The following HJV variants were observed in gnomAD, a reference collection of about 807,000 sequenced individuals.
HJV encodes hemojuvelin.
HJV carries 18 observed loss-of-function variants against 22.7 expected under a neutral mutation model. That is an observed-to-expected ratio of 0.79 (90% CI 0.55 to 1.18). The LOEUF is 1.18. HJV is among the 50% of genes most tolerant of loss of function. HJV has a pLI of 0.00. For synonymous variants in HJV, 229 were observed against 222.7 expected, an observed-to-expected ratio of 1.03 and a Z score of -0.25; for missense variants, 572 against 553.0, an observed-to-expected ratio of 1.03 and a Z score of -0.34.
At chr1:146,020,853 A>G (rs1652692252) in intron 1 of HJV, among the ~76,000 whole-genome samples, 1 of 152,124 alleles carries the variant, frequency 6.6e-6, no homozygotes, top group African/African-American at 2.4e-5. Context: ...AAGGAAACCA[A>G]TCTCTTTTCA....
chr1:146,018,282 T>C lies in HJV; in HGVS notation c.1076A>G (p.His359Arg), dbSNP rs1277203297. The C allele has an allele frequency of 5.0e-6, 8 of 1,614,054 alleles. No homozygotes were observed. The highest frequency in any genetic ancestry group is 1.3e-5 in the African/African-American group (1 of 74,918). The change falls in exon 4 of 4, where the codon CAT becomes CGT. Residue 359 changes from histidine (H) to arginine (R), a missense_variant. Transcript: ENST00000336751. ...AATTAAAACATCAAAGACACAGGAA[T>C]GGAAGTAAGCATCTTCCACTGGAAG... ...EGLPVEDAYFHSCVFDVLISG... is the reference protein window; with the variant it reads ...EGLPVEDAYFRSCVFDVLISG...
rs1553769468 is a variant in HJV, at chr1:146,018,442, T to TGGCCAC, written c.910_915dup (p.Val304_Ala305dup). The TGGCCAC allele has an allele frequency of 6.2e-7, 1 of 1,614,174 alleles. No homozygotes were observed. Among genetic ancestry groups the TGGCCAC allele is most frequent in the Non-Finnish European group, 8.5e-7 (1 of 1,180,030 alleles). Reference sequence around the variant, plus strand: ...AGGTCCTGTTCAGCTGAGAAGGCCATGGCCACATCCTCTGCTACCTTGATG... The same window carrying TGGCCAC: ...AGGTCCTGTTCAGCTGAGAAGGCCATGGCCACGGCCACATCCTCTGCTACCTTGATG... On this transcript the variant is annotated inframe_insertion, in exon 4 of 4. Transcript: ENST00000336751.
In HJV at chr1:146,018,710, CAA is replaced by C. The variant is rs1652508985; in HGVS notation, c.658-12_658-11del. ...TAAATATGATGGTGAGCTGTGAGGA[CAA>C]GAGGGAAAACAGTTCATTTTGGGTT... On this transcript the variant is annotated splice_polypyrimidine_tract_variant and intron_variant, in intron 3 of 3. Transcript: ENST00000336751. 1.2e-6 allele frequency: 2 copies of C among 1,614,000 alleles called. No homozygotes were observed. Among genetic ancestry groups the C allele is most frequent in the Non-Finnish European group, 8.5e-7 (1 of 1,179,988 alleles).
intron 3 of HJV, 36 bp downstream of exon 3, chr1:146,019,139 C>T (rs782533396): frequency 6.5e-7 from 1 of 1,533,340 alleles, no homozygotes; most frequent in African/African-American, 1.4e-5. Context: ...GGAAGAATCT[C>T]ATGAGGTGGA....
intron 1 of HJV, among the ~76,000 whole-genome samples, chr1:146,021,168 C>A (rs1652710621): frequency 6.6e-6 from 1 of 152,080 alleles, no homozygotes; most frequent in African/African-American, 2.4e-5. Flanking sequence ...GGGGAGAAAT[C>A]ATTTACAGGG....
At position 146,019,659 on chromosome 1, in the gene HJV, G is replaced by A. The variant is rs782608610; in HGVS notation, c.173C>T (p.Ser58Leu). ...SSTLSLRGGGSSGALRGGGGG... is the reference protein window; with the variant it reads ...SSTLSLRGGGLSGALRGGGGG... ...TCCTCCTCCTCGAAGTGCTCCTGAT[G>A]AACCCCCACCTCTAAGGCTCAGAGT... The change falls in exon 3 of 4, where the codon TCA becomes TTA. Residue 58 changes from serine (S) to leucine (L), a missense_variant. Coordinates refer to ENST00000336751, the MANE Select transcript of HJV (RefSeq NM_213653.4). 7.5e-6 allele frequency: 12 copies of A among 1,610,502 alleles called. No homozygotes were observed. The South Asian group carries it at 1.1e-4, about 15-fold the overall frequency.
At position 146,017,843 on chromosome 1, in the gene HJV, G is replaced by C. The variant is rs1652424982; in HGVS notation, c.*234C>G. 5.3e-6 allele frequency: 3 copies of C among 563,698 alleles called. No homozygotes were observed. Among genetic ancestry groups the C allele is most frequent in the Non-Finnish European group, 6.5e-6 (2 of 308,218 alleles). The allele number at this position is 563,698 out of a possible 1,614,324, so 34.9% of individuals were successfully genotyped here. A position where few individuals can be genotyped will look rare whatever the true frequency, so the allele number is the denominator to read the frequency against. On this transcript the variant is annotated 3_prime_UTR_variant, in exon 4 of 4. Coordinates refer to ENST00000336751, the MANE Select transcript of HJV (RefSeq NM_213653.4). ...TTAGAACAATTTGTTTACTATAAAT[G>C]AGGCTGGAAAAATTGGTGAAGAGCC...
chr1:146,019,140 A>G, intron 3 of HJV, 35 bp downstream of exon 3: 2 of 1,534,610 alleles, frequency 1.3e-6, no homozygotes, highest in Non-Finnish European at 1.8e-6. Flanking sequence ...GAAGAATCTC[A>G]TGAGGTGGAT....
In HJV at chr1:146,019,258, G is replaced by A; in HGVS notation, c.574C>T (p.Pro192Ser). The A allele has an allele frequency of 6.2e-7, 1 of 1,614,042 alleles. No homozygotes were observed. The highest frequency in any genetic ancestry group is 8.5e-7 in the Non-Finnish European group (1 of 1,180,038). ...AAGAGGAAGTCATTATCCAGTAGAGGCCAAGCTCCTTGGACACGGCATGTG... is the reference window on the plus strand; with the variant it reads ...AAGAGGAAGTCATTATCCAGTAGAGACCAAGCTCCTTGGACACGGCATGTG... ...FHTCRVQGAW[P>S]LLDNDFLFVQ... The change falls in exon 3 of 4, where the codon CCT becomes TCT. Residue 192 changes from proline to serine, a missense_variant. Pro to Ser is a moderately conservative substitution (Grantham distance 74, BLOSUM62 -1). Coordinates refer to ENST00000336751, the MANE Select transcript of HJV (RefSeq NM_213653.4).
chr1:146,018,257 A>T lies in HJV; in HGVS notation c.1101T>A (p.Ile367=). The change falls in exon 4 of 4, where the codon ATT becomes ATA. Residue 367 remains isoleucine (I), a synonymous_variant. Coordinates refer to ENST00000336751, the MANE Select transcript of HJV (RefSeq NM_213653.4). ...CCACGGTAAAGTTGGGATCACCAGA[A>T]ATTAAAACATCAAAGACACAGGAAT... is the stretch of plus-strand genomic sequence containing the variant. ...YFHSCVFDVL[I]SGDPNFTVAA... 1.2e-6 allele frequency: 2 copies of T among 1,614,160 alleles called. No individual in the cohort carries two copies. Among genetic ancestry groups the T allele is most frequent in the Non-Finnish European group, 1.7e-6 (2 of 1,180,026 alleles).
At chr1:146,021,332 C>G (rs1211287624) in intron 1 of HJV, among the ~76,000 whole-genome samples, 1 of 152,132 alleles carries the variant, frequency 6.6e-6, no homozygotes, top group Non-Finnish European at 1.5e-5. Context: ...AAAACTTCAT[C>G]AGGAGTCTTG....
In HJV at chr1:146,019,594, A is replaced by G. The variant is rs28940586; in HGVS notation, c.238T>C (p.Cys80Arg). The stretch of plus-strand genomic sequence containing the variant: ...AGCGCATAGGAGCGGAGGGCTCGAC[A>G]GAGGCCGCCAGAGCCCACCCCTCCA... ...RGGGVGSGGLCRALRSYALCT... is the reference protein window; with the variant it reads ...RGGGVGSGGLRRALRSYALCT... The change falls in exon 3 of 4, where the codon TGT becomes CGT. Residue 80 changes from cysteine (C) to arginine (R), a missense_variant. By Grantham distance (180) the Cys-to-Arg change is radical (BLOSUM62 -3). Transcript: ENST00000336751. The G allele has an allele frequency of 3.6e-5, 58 of 1,613,538 alleles. No homozygotes were observed. The highest frequency in any genetic ancestry group is 4.6e-5 in the Non-Finnish European group (54 of 1,180,014).
rs747020380 is a variant in HJV, at chr1:146,017,705, T to C, written c.*372A>G. ...TTGAGTTTCTTATGGCTAATGATCA[T>C]GTCTTCTGCTTTCAGCTCTTGCCTC... On this transcript the variant is annotated 3_prime_UTR_variant, in exon 4 of 4. Transcript: ENST00000336751. The C allele has an allele frequency of 7.7e-5, 20 of 258,162 alleles. No individual in the cohort carries two copies. Among genetic ancestry groups the C allele is most frequent in the Non-Finnish European group, 1.2e-4 (15 of 124,322 alleles). The allele number at this position is 258,162 out of a possible 1,614,324, so 16.0% of individuals were successfully genotyped here.
At position 146,019,160 on chromosome 1, in the gene HJV, G is replaced by C; in HGVS notation, c.657+15C>G. ...ATCTCATGAGGTGGATCGGAAGGAA[G>C]ATTGAGTGCCTGACCTTCCGGGTGG... is the stretch of plus-strand genomic sequence containing the variant. On this transcript the variant is annotated intron_variant, in intron 3 of 3. Transcript: ENST00000336751. 2 of 1,600,528 alleles carry C rather than the reference G, an allele frequency of 1.2e-6. No homozygotes were observed. Among genetic ancestry groups the C allele is most frequent in the Admixed American group, 3.3e-5 (2 of 60,006 alleles).
Position 146,018,561 on chromosome 1 carries a change from T to C in HJV, c.797A>G (p.Gln266Arg). 6.2e-7 allele frequency: 1 copy of C among 1,614,190 alleles called. No homozygotes were observed. Among genetic ancestry groups the C allele is most frequent in the Non-Finnish European group, 8.5e-7 (1 of 1,180,042 alleles). The change falls in exon 4 of 4, where the codon CAA (glutamine) becomes CGA (arginine). Residue 266 changes from glutamine (Q) to arginine (R), a missense_variant. Coordinates refer to ENST00000336751, the MANE Select transcript of HJV (RefSeq NM_213653.4). ...CACATGGTTCCCAGGGTTAGCAGTT[T>C]GAATCGACAAACTGGATCCCCCAGG... ...DRPGGSSLSI[Q>R]TANPGNHVEI... is the part of the protein sequence containing the mutation.
At position 146,017,503 on chromosome 1, in the gene HJV, T is replaced by A. The variant is rs371123300; in HGVS notation, c.*574A>T. On this transcript the variant is annotated 3_prime_UTR_variant, in exon 4 of 4. Coordinates refer to ENST00000336751, the MANE Select transcript of HJV (RefSeq NM_213653.4). ...AGAATTTGTAGCTTTAATAACAGAT[T>A]AGTTAGGGGGTAGGGATGATACTTC... The A allele has an allele frequency of 7.9e-4, 135 of 171,454 alleles. 1 individual carries two copies. In the South Asian group the frequency reaches 8.2e-3, roughly 10 times the overall value. The allele number at this position is 171,454 out of a possible 1,614,324, so 10.6% of individuals were successfully genotyped here.
rs1553769384 is a variant in HJV at position 146,018,202 on chromosome 1, C to T, written c.1156G>A (p.Ala386Thr). The T allele has an allele frequency of 1.2e-6, 2 of 1,614,180 alleles. No individual in the cohort carries two copies. Among genetic ancestry groups the T allele is most frequent in the Middle Eastern group, 3.3e-4 (2 of 6,062 alleles). Residue 386 changes from alanine to threonine, a missense_variant, in exon 4 of 4, where the codon GCC (alanine) becomes ACC (threonine). Coordinates refer to ENST00000336751, the MANE Select transcript of HJV (RefSeq NM_213653.4). The part of the protein sequence containing the change: ...AAQAALEDAR[A>T]FLPDLEKLHL... ...AGCTTCTCTAAGTCTGGCAGGAAGGCTCGGGCATCCTCCAGTGCTGCCTGA... is the reference window on the plus strand; with the variant it reads ...AGCTTCTCTAAGTCTGGCAGGAAGGTTCGGGCATCCTCCAGTGCTGCCTGA...
intron 3 of HJV, 81 bp downstream of exon 3, chr1:146,019,094 G>C: frequency 8.5e-7 from 1 of 1,175,862 alleles, no homozygotes; most frequent in Non-Finnish European, 1.3e-6. Flanking sequence ...GAGCATTGCT[G>C]TTGAATAGTG....
At chr1:146,018,733 G>C (rs1553769540) in intron 3 of HJV, 33 bp from the exon 4 acceptor site, 2 of 1,612,492 alleles carry the variant, frequency 1.2e-6, no homozygotes, top group Admixed American at 3.3e-5. Flanking sequence ...AGTTCATTTT[G>C]GGTTCAGTGC....
Sources: allele counts gnomAD v4.1 joint callset (sites outside exome capture counted in the v4.1 genomes callset), GRCh38; gene constraint gnomAD v4.1.1; transcripts MANE v1.5; gene names NCBI Gene and HGNC (gene_info 2026-07-23, HGNC 2026-07-21).